Variants in SERPINB9 observed in about 807,000 individuals in gnomAD.
The protein encoded by SERPINB9 is serpin family B member 9.
Under a neutral mutation model 27.2 loss-of-function variants are expected in SERPINB9, and 20 were observed. The observed-to-expected ratio is 0.74, with a 90% CI of 0.52 to 1.07. The LOEUF (loss-of-function observed/expected upper bound fraction) is 1.07. SERPINB9 is among the 50% of genes least tolerant of loss of function. The probability of loss-of-function intolerance (pLI) is 0.00; values close to 1 mark genes in which losing one functional copy is unlikely to be tolerated. For synonymous variants in SERPINB9, 189 were observed against 180.0 expected, an observed-to-expected ratio of 1.05 and a Z score of -0.40; for missense variants, 476 against 460.1, an observed-to-expected ratio of 1.03 and a Z score of -0.32.
At chr6:2,892,663 A>T (rs1767850353) in intron 5 of SERPINB9, among the ~76,000 whole-genome samples, 1 of 152,230 alleles carries the variant, frequency 6.6e-6, no homozygotes, top group African/African-American at 2.4e-5. Flanking sequence ...TTCTAAAACC[A>T]GGGTTAGAAT....
Position 2,890,238 on chromosome 6 carries a change from G to A in SERPINB9, c.1056C>T (p.Asp352=), listed in dbSNP as rs1179328691. 2.5e-6 allele frequency: 4 copies of A among 1,614,182 alleles called. No individual in the cohort carries two copies. Among genetic ancestry groups the A allele is most frequent in the African/African-American group, 1.3e-5 (1 of 75,038 alleles). The part of the protein sequence containing the change: ...CMESGPRFCA[D]HPFLFFIRHN... ...GCCTGATGAAGAAAAGGAAAGGGTG[G>A]TCAGCACAGAACCTGGGGCCAGATT... is the stretch of plus-strand genomic sequence containing the variant. The change falls in exon 7 of 7, where the codon GAC becomes GAT. Residue 352 remains aspartate, a synonymous_variant. Transcript: ENST00000380698. This position sits in a 1 kb window ranked among gnomAD's most constrained non-coding sequence, Gnocchi z 6.2.
chr6:2,895,546 A>C lies in SERPINB9; in HGVS notation c.307-38T>G, dbSNP rs764840834. The C allele has an allele frequency of 2.2e-6, 3 of 1,336,152 alleles. No homozygotes were observed. In the East Asian group the frequency reaches 6.9e-5, roughly 31 times the overall value. 82.8% of individuals were successfully genotyped at this position (1,336,152 alleles called of 1,614,324 possible). On this transcript the variant is annotated intron_variant, in intron 3 of 6. Coordinates refer to ENST00000380698, the MANE Select transcript of SERPINB9 (RefSeq NM_004155.6). ...AAATGTTCAGTGAGGCTGCATTGCTAAATACAAATGTCAGCAAACTTCCAA... is the reference window on the plus strand; with the variant it reads ...AAATGTTCAGTGAGGCTGCATTGCTCAATACAAATGTCAGCAAACTTCCAA...
chr6:2,887,694 A>C lies in SERPINB9; in HGVS notation c.*2469T>G, dbSNP rs1435559109. On this transcript the variant is annotated 3_prime_UTR_variant, in exon 7 of 7. Transcript: ENST00000380698. ...AAACCCCGTCTCTACTGAAAAATAC[A>C]AAATTAGCTGGGTGTGATGGTGGGT... 7 of 152,008 alleles carry C rather than the reference A, an allele frequency of 4.6e-5. No homozygotes were observed. Among genetic ancestry groups the C allele is most frequent in the Non-Finnish European group, 7.4e-5 (5 of 68,018 alleles). The allele number at this position is 152,008 out of a possible 1,614,324, so 9.4% of individuals were successfully genotyped here.
In SERPINB9 at chr6:2,889,390, A is replaced by T. The variant is rs1358358162; in HGVS notation, c.*773T>A. On this transcript the variant is annotated 3_prime_UTR_variant, in exon 7 of 7. Transcript: ENST00000380698. ...ATGCTTGGTGATTGGTAAATGTCAAAGAAAAAGATAAAAGATAAAATATAG... is the reference window on the plus strand; with the variant it reads ...ATGCTTGGTGATTGGTAAATGTCAATGAAAAAGATAAAAGATAAAATATAG... 6.6e-6 allele frequency: 1 copy of T among 152,296 alleles called. No individual in the cohort carries two copies. The highest frequency in any genetic ancestry group is 1.5e-5 in the Non-Finnish European group (1 of 68,106). The allele number at this position is 152,296 out of a possible 1,614,324, so 9.4% of individuals were successfully genotyped here.
In SERPINB9 at chr6:2,893,528, A is replaced by G; in HGVS notation, c.450T>C (p.Gly150=). Reference sequence around the variant, plus strand: ...GCCTGGTTTCTGCATCAATTGAGCTACCCGGCAACAACTCTTCAATTTTAC... The same window carrying G: ...GCCTGGTTTCTGCATCAATTGAGCTGCCCGGCAACAACTCTTCAATTTTAC... The part of the protein sequence containing the change: ...TEGKIEELLP[G]SSIDAETRLV... Residue 150 remains glycine, a synonymous_variant, in exon 5 of 7, where the codon GGT becomes GGC. Coordinates refer to ENST00000380698, the MANE Select transcript of SERPINB9 (RefSeq NM_004155.6). 6.2e-7 allele frequency: 1 copy of G among 1,612,514 alleles called. No homozygotes were observed. Among genetic ancestry groups the G allele is most frequent in the South Asian group, 1.1e-5 (1 of 90,800 alleles).
intron 5 of SERPINB9, 148 bp from the exon 6 acceptor site, chr6:2,892,136 A>AAAAAG (rs1157022132): frequency 1.4e-6 from 1 of 718,812 alleles, no homozygotes; most frequent in African/African-American, 2.0e-5. Flanking sequence ...AAAAAAAAAA[A>AAAAAG]GTCAACCAGT....
In SERPINB9 at chr6:2,891,338, T is replaced by C. The variant is rs1374831718; in HGVS notation, c.723+495A>G. Among the ~76,000 whole-genome samples, 1 of 152,182 alleles carries C rather than the reference T, an allele frequency of 6.6e-6. No homozygotes were observed. The highest frequency in any genetic ancestry group is 1.5e-5 in the Non-Finnish European group (1 of 68,032). On this transcript the variant is annotated intron_variant, in intron 6 of 6. Coordinates refer to ENST00000380698, the MANE Select transcript of SERPINB9 (RefSeq NM_004155.6). This position sits in a 1 kb window ranked among gnomAD's most constrained non-coding sequence, Gnocchi z 4.0. ...GACTTCCTCATTCTCTATTTCAGGT[T>C]CCTAGACTTTAAAAGCATAATGCTA...
chr6:2,891,407 C>G lies in SERPINB9; in HGVS notation c.723+426G>C, dbSNP rs1442910860. On this transcript the variant is annotated intron_variant, in intron 6 of 6. Transcript: ENST00000380698. This position sits in a 1 kb window ranked among gnomAD's most constrained non-coding sequence, Gnocchi z 4.0. The stretch of plus-strand genomic sequence containing the variant: ...ATGGATCACATTTGTAGAGCATTTA[C>G]TAGTTGCCAGGCAATGTGGTAAGCT... Among the ~76,000 whole-genome samples, 1 of 152,178 alleles carries G rather than the reference C, an allele frequency of 6.6e-6. No individual in the cohort carries two copies. Among genetic ancestry groups the G allele is most frequent in the Non-Finnish European group, 1.5e-5 (1 of 68,028 alleles).
chr6:2,894,246 A>C lies in SERPINB9; in HGVS notation c.425-693T>G, dbSNP rs1260364476. 6.6e-6 allele frequency among the ~76,000 whole-genome samples: 1 copy of C among 152,160 alleles called. No individual in the cohort carries two copies. Among genetic ancestry groups the C allele is most frequent in the Non-Finnish European group, 1.5e-5 (1 of 68,028 alleles). On this transcript the variant is annotated intron_variant, in intron 4 of 6. Transcript: ENST00000380698. The surrounding 1 kb of genome is among the most constrained non-coding windows in gnomAD (Gnocchi z 4.7). ...CAACTGCTGAGACTTTAAGCGAAGA[A>C]CGTCTCCCATTCTTTACCGTCTCAT...
Position 2,888,565 on chromosome 6 carries a change from AAAG to A in SERPINB9, c.*1595_*1597del, listed in dbSNP as rs1368381065. On this transcript the variant is annotated 3_prime_UTR_variant, in exon 7 of 7. Transcript: ENST00000380698. ...AAATCTCAAAAACTTGTACTAAGTG[AAAG>A]AAGCCAGACACAAAAGGTCTCATAC... The A allele has an allele frequency of 1.3e-5, 2 of 152,248 alleles. No homozygotes were observed. Among genetic ancestry groups the A allele is most frequent in the East Asian group, 3.8e-4 (2 of 5,200 alleles). 9.4% of individuals were successfully genotyped at this position (152,248 alleles called of 1,614,324 possible). A position where few individuals can be genotyped will look rare whatever the true frequency, so the allele number is the denominator to read the frequency against.
chr6:2,900,885 T>TCCCACACACACACACACACACA (rs61100591), intron 1 of SERPINB9, among the ~76,000 whole-genome samples: 1 of 141,482 alleles, frequency 7.1e-6, no homozygotes, highest in Admixed American at 7.0e-5. Flanking sequence ...GCTCGCTCTC[T>TCCCACACACACACACACACACA]CACACACACA....
intron 2 of SERPINB9, among the ~76,000 whole-genome samples, chr6:2,897,891 G>A (rs1768055436): frequency 6.6e-6 from 1 of 152,084 alleles, no homozygotes; most frequent in Non-Finnish European, 1.5e-5. Context: ...CAGATTATAA[G>A]TTACCAAATG....
At position 2,891,824 on chromosome 6, in the gene SERPINB9, G is replaced by T; in HGVS notation, c.723+9C>A. On this transcript the variant is annotated intron_variant, in intron 6 of 6. Transcript: ENST00000380698. This position sits in a 1 kb window ranked among gnomAD's most constrained non-coding sequence, Gnocchi z 4.0. ...TGTCCCTGGGTTCTTCCCGCAGCCC[G>T]GGTCTTACCGTGCTGAGCTCCACGC... 6.3e-7 allele frequency: 1 copy of T among 1,584,766 alleles called. No individual in the cohort carries two copies. Among genetic ancestry groups the T allele is most frequent in the Non-Finnish European group, 8.5e-7 (1 of 1,170,210 alleles).
chr6:2,900,625 G>C lies in SERPINB9; in HGVS notation c.-10-4C>G, dbSNP rs757637944. 10 of 1,613,064 alleles carry C rather than the reference G, an allele frequency of 6.2e-6. No individual in the cohort carries two copies. Among genetic ancestry groups the C allele is most frequent in the Non-Finnish European group, 8.5e-6 (10 of 1,179,258 alleles). On this transcript the variant is annotated splice_region_variant and splice_polypyrimidine_tract_variant and intron_variant, in intron 1 of 6. Coordinates refer to ENST00000380698, the MANE Select transcript of SERPINB9 (RefSeq NM_004155.6). ...AAGAGTTTCCATGATGCAGGGCCTG[G>C]AAGGGAAGAATAAAGAGAAATGCAG...
At chr6:2,902,346 C>T (rs577228597) in intron 1 of SERPINB9, among the ~76,000 whole-genome samples, 1 of 151,974 alleles carries the variant, frequency 6.6e-6, no homozygotes, top group Admixed American at 6.5e-5. Flanking sequence ...CTGGTGGTCC[C>T]CACAGACCGC....
At chr6:2,893,288 A>G in intron 5 of SERPINB9, 123 bp downstream of exon 5, 1 of 882,642 alleles carries the variant, frequency 1.1e-6, no homozygotes. Context: ...AAATTCATTC[A>G]GAAATACTTT....
intron 2 of SERPINB9, among the ~76,000 whole-genome samples, chr6:2,897,397 C>T (rs766456612): frequency 9.2e-5 from 14 of 151,614 alleles, no homozygotes; most frequent in Non-Finnish European, 1.6e-4. Flanking sequence ...ACCCAGGAGG[C>T]GGAAGTTGCA....
chr6:2,900,703 A>T, intron 1 of SERPINB9, 82 bp from the exon 2 acceptor site: 1 of 1,235,532 alleles, frequency 8.1e-7, no homozygotes, highest in Non-Finnish European at 1.1e-6. Context: ...CAATTTTGGA[A>T]TCGTACTTTT....
chr6:2,893,934 A>C (rs145512829), intron 4 of SERPINB9, among the ~76,000 whole-genome samples: 1 of 152,218 alleles, frequency 6.6e-6, no homozygotes, highest in African/African-American at 2.4e-5. Flanking sequence ...ACATTCTGTG[A>C]CTATACATGG....
Sources: gnomAD v4.1 joint callset for allele counts (sites outside exome capture counted in the v4.1 genomes callset) on GRCh38, gnomAD v4.1.1 for gene constraint, Gnocchi (gnomAD v3.1) non-coding constraint, MANE v1.5 for transcripts, NCBI Gene and HGNC (gene_info 2026-07-23, HGNC 2026-07-21) for gene names.